Variants in SAMTOR observed in about 807,000 individuals in gnomAD.
SAMTOR encodes the protein S-adenosylmethionine sensor upstream of mTORC1.
At chr7:112,939,683 G>C in the SAMTOR span, 1 of 1,612,846 alleles carries the variant, frequency 6.2e-7, no homozygotes. Context: ...CTCCCGGGGC[G>C]GCGGAGTGTT....
At chr7:112,825,918 C>A in the SAMTOR span, among the ~76,000 whole-genome samples, 1 of 151,400 alleles carries the variant, frequency 6.6e-6, no homozygotes, top group African/African-American at 2.4e-5. Context: ...TTGTCAAATG[C>A]CTTTTCTGTG....
chr7:112,898,582 G>C, the SAMTOR span, among the ~76,000 whole-genome samples: 1 of 152,118 alleles, frequency 6.6e-6, no homozygotes, highest in Non-Finnish European at 1.5e-5. Flanking sequence ...TGGGGGGATG[G>C]ACCCCAAGTC....
chr7:112,919,559 A>T, the SAMTOR span, among the ~76,000 whole-genome samples: 1 of 152,200 alleles, frequency 6.6e-6, no homozygotes, highest in Non-Finnish European at 1.5e-5. Context: ...TAGAGCAAAC[A>T]CATTCAAAAG....
the SAMTOR span, among the ~76,000 whole-genome samples, chr7:112,888,476 T>A: frequency 6.6e-6 from 1 of 152,156 alleles, no homozygotes; most frequent in Non-Finnish European, 1.5e-5. Context: ...ACAGCTTTCC[T>A]AGTGTTAGGG....
the SAMTOR span, among the ~76,000 whole-genome samples, chr7:112,846,623 A>C: frequency 6.6e-6 from 1 of 152,230 alleles, no homozygotes; most frequent in Non-Finnish European, 1.5e-5. Flanking sequence ...AGGCTGTCAA[A>C]TAAAAATCAT....
chr7:112,913,473 C>G, the SAMTOR span, among the ~76,000 whole-genome samples: 5 of 152,308 alleles, frequency 3.3e-5, no homozygotes, highest in South Asian at 8.3e-4. Context: ...ACTGGGTTCC[C>G]TTACTGACAC....
At chr7:112,909,970 T>G in the SAMTOR span, among the ~76,000 whole-genome samples, 30,766 of 151,424 alleles carry the variant, frequency 0.2, 3,568 homozygotes, top group Middle Eastern at 0.38. Context: ...ACTTTTCAAA[T>G]GCCATTTCCC....
chr7:112,879,274 A>C, the SAMTOR span, among the ~76,000 whole-genome samples: 321 of 151,494 alleles, frequency 2.1e-3, 1 homozygote, highest in South Asian at 5.7e-3. Context: ...GTGGAAACAA[A>C]GCTATAAGAG....
the SAMTOR span, among the ~76,000 whole-genome samples, chr7:112,867,441 T>G: frequency 6.6e-6 from 1 of 152,232 alleles, no homozygotes; most frequent in Non-Finnish European, 1.5e-5. Flanking sequence ...ATTAAAAGTC[T>G]TCTTATAACT....
chr7:112,880,671 T>C, the SAMTOR span, among the ~76,000 whole-genome samples: 1 of 152,214 alleles, frequency 6.6e-6, no homozygotes. Context: ...TATTTGTAAT[T>C]ATAAACTTAT....
chr7:112,921,938 CCCCTCCCCCTCTCCCTCT>C, the SAMTOR span, among the ~76,000 whole-genome samples: 2 of 126,958 alleles, frequency 1.6e-5, no homozygotes, highest in South Asian at 5.1e-4. Flanking sequence ...GTCAGGAAAG[CCCCTCCCCCTCTCCCTCT>C]CCCTCTCCCT....
the SAMTOR span, among the ~76,000 whole-genome samples, chr7:112,936,817 C>T: frequency 2.0e-5 from 3 of 152,130 alleles, no homozygotes; most frequent in African/African-American, 7.2e-5. Context: ...GCTAATCATA[C>T]CTATCCTATG....
chr7:112,833,231 CAG>C, the SAMTOR span, among the ~76,000 whole-genome samples: 1 of 152,202 alleles, frequency 6.6e-6, no homozygotes, highest in African/African-American at 2.4e-5. Context: ...ACTCTACACT[CAG>C]AGTGAGAGTA....
At chr7:112,918,242 G>A in the SAMTOR span, among the ~76,000 whole-genome samples, 3,453 of 152,260 alleles carry the variant, frequency 0.023, 67 homozygotes, top group Admixed American at 0.042. Context: ...GACTAACAGC[G>A]GATCTCTCGG....
the SAMTOR span, among the ~76,000 whole-genome samples, chr7:112,843,022 T>C: frequency 2.0e-5 from 3 of 152,042 alleles, no homozygotes; most frequent in Non-Finnish European, 4.4e-5. Flanking sequence ...CTTAAATGTT[T>C]TCAAACAAAT....
the SAMTOR span, among the ~76,000 whole-genome samples, chr7:112,918,548 A>T: frequency 1.3e-5 from 2 of 152,216 alleles, no homozygotes; most frequent in African/African-American, 4.8e-5. Flanking sequence ...ACTAACGAGC[A>T]AAATAACCAG....
At chr7:112,920,603 A>C in the SAMTOR span, among the ~76,000 whole-genome samples, 1 of 148,534 alleles carries the variant, frequency 6.7e-6, no homozygotes, top group African/African-American at 2.5e-5. Flanking sequence ...TGGCCAGGGC[A>C]ATTAGGCAGG....
the SAMTOR span, among the ~76,000 whole-genome samples, chr7:112,922,818 C>A: frequency 6.6e-6 from 1 of 151,272 alleles, no homozygotes; most frequent in Non-Finnish European, 1.5e-5. Flanking sequence ...GCCGCCCCGT[C>A]CGGGAGGGAG....
At chr7:112,836,115 G>A in the SAMTOR span, among the ~76,000 whole-genome samples, 1,362 of 152,182 alleles carry the variant, frequency 8.9e-3, 23 homozygotes, top group African/African-American at 0.031. Flanking sequence ...CACTGTATTA[G>A]CATTCCCCTT....
Sources: allele counts gnomAD v4.1 joint callset (sites outside exome capture counted in the v4.1 genomes callset), GRCh38; gene constraint gnomAD v4.1.1; transcripts MANE v1.5; gene names NCBI Gene and HGNC (gene_info 2026-07-23, HGNC 2026-07-21).